The following IMPG1 variants were observed in gnomAD, a reference collection of about 807,000 sequenced individuals.
IMPG1 encodes interphotoreceptor matrix proteoglycan of 150 kDa.
In IMPG1, 85 loss-of-function variants were observed where a neutral mutation model predicts 92.0. That is an observed-to-expected ratio of 0.92 (90% confidence interval 0.78 to 1.11). The LOEUF is 1.11. Ranked by LOEUF, IMPG1 falls within the 50% of genes least tolerant of loss-of-function variation. IMPG1 has a pLI of 0.00. For missense variants in IMPG1, 1,022 were observed against 956.0 expected (o/e 1.07, Z -0.91); for synonymous variants, 367 against 334.1 (o/e 1.10, Z -1.08).
intron 12 of IMPG1, among the ~76,000 whole-genome samples, chr6:75,971,038 A>G (rs964922342): frequency 2.6e-5 from 4 of 152,254 alleles, no homozygotes; most frequent in East Asian, 3.9e-4. Flanking sequence ...TTGCGGCACT[A>G]TTCACAATAG....
intron 2 of IMPG1, 72 bp downstream of exon 2, chr6:76,041,821 A>G: frequency 4.9e-6 from 5 of 1,011,938 alleles, no homozygotes; most frequent in East Asian, 4.8e-5. Context: ...TAGGCTAAAG[A>G]CAACCTATGG....
At chr6:76,037,147 T>C (rs1166856869) in intron 2 of IMPG1, among the ~76,000 whole-genome samples, 1 of 152,128 alleles carries the variant, frequency 6.6e-6, no homozygotes, top group Non-Finnish European at 1.5e-5. Flanking sequence ...TGGGGAGGAA[T>C]AGGGTGAGAC....
At chr6:75,949,129 G>A (rs1436453712) in intron 13 of IMPG1, among the ~76,000 whole-genome samples, 1 of 152,184 alleles carries the variant, frequency 6.6e-6, no homozygotes, top group Non-Finnish European at 1.5e-5. Context: ...GCCATGGTTA[G>A]TTTGTCAGAG....
Position 76,042,064 on chromosome 6 carries a change from T to C in IMPG1, c.130A>G (p.Thr44Ala), listed in dbSNP as rs149728775. 213 of 1,611,128 alleles carry C rather than the reference T, an allele frequency of 1.3e-4. No homozygotes were observed. The highest frequency in any genetic ancestry group is 1.7e-4 in the Non-Finnish European group (204 of 1,177,364). Reference sequence around the variant, plus strand: ...TACATTTTTTCAGTACTTTCAGTTGTTTCATTTCTTGGGGGATTGTCTATG... The same window carrying C: ...TACATTTTTTCAGTACTTTCAGTTGCTTCATTTCTTGGGGGATTGTCTATG... The part of the protein sequence containing the change: ...KDIDNPPRNE[T>A]TESTEKMYKM... The change falls in exon 2 of 17, where the codon ACA (threonine) becomes GCA (alanine). Residue 44 changes from threonine to alanine, a missense_variant. Thr to Ala is a moderately conservative substitution (Grantham distance 58). This residue lies in a region of IMPG1 where 681 missense variants were observed against 583.6 expected (regional missense o/e 1.17). Coordinates refer to ENST00000369950, the MANE Select transcript of IMPG1 (RefSeq NM_001563.4).
intron 1 of IMPG1, among the ~76,000 whole-genome samples, chr6:76,052,753 G>C (rs1265769551): frequency 6.6e-6 from 1 of 152,136 alleles, no homozygotes; most frequent in East Asian, 1.9e-4. Flanking sequence ...GAAAATATGA[G>C]AGTAGGATAT....
At chr6:75,933,294 A>G (rs1469969043) in intron 14 of IMPG1, among the ~76,000 whole-genome samples, 2 of 152,180 alleles carry the variant, frequency 1.3e-5, no homozygotes, top group Non-Finnish European at 2.9e-5. Context: ...TGGTGTGTAG[A>G]CAAATTGGTC....
chr6:75,977,288 G>T (rs532219006), intron 12 of IMPG1, among the ~76,000 whole-genome samples: 3 of 152,092 alleles, frequency 2.0e-5, no homozygotes, highest in African/African-American at 7.2e-5. Context: ...GATTAAGATT[G>T]CTGCTAAAGA....
intron 11 of IMPG1, among the ~76,000 whole-genome samples, chr6:76,003,266 T>G (rs888984693): frequency 6.6e-6 from 1 of 152,354 alleles, no homozygotes; most frequent in East Asian, 1.9e-4. Flanking sequence ...CTTTGATTTA[T>G]GTCAATCATG....
chr6:76,031,190 A>T (rs1783647523), intron 4 of IMPG1, among the ~76,000 whole-genome samples: 1 of 152,198 alleles, frequency 6.6e-6, no homozygotes, highest in South Asian at 2.1e-4. Flanking sequence ...ACTCACTGAA[A>T]GGTTTGTTAC....
chr6:75,978,316 C>G (rs1420911003), intron 12 of IMPG1, among the ~76,000 whole-genome samples: 1 of 152,082 alleles, frequency 6.6e-6, no homozygotes, highest in Non-Finnish European at 1.5e-5. Flanking sequence ...ATCTTTGTAC[C>G]CAAGATCATG....
chr6:75,923,800 T>G, intron 15 of IMPG1, 94 bp from the exon 16 acceptor site: 1 of 711,990 alleles, frequency 1.4e-6, no homozygotes. Flanking sequence ...TTTAACATCA[T>G]GACAAGTGAA....
intron 4 of IMPG1, among the ~76,000 whole-genome samples, chr6:76,028,854 G>A (rs191106311): frequency 1.7e-3 from 255 of 152,284 alleles, no homozygotes; most frequent in African/African-American, 5.4e-3. Context: ...TATACTCCTG[G>A]GGTGAAAATT....
At chr6:75,932,627 T>A (rs1781683833) in intron 14 of IMPG1, among the ~76,000 whole-genome samples, 1 of 152,202 alleles carries the variant, frequency 6.6e-6, no homozygotes, top group African/African-American at 2.4e-5. Flanking sequence ...TCATTTTCTT[T>A]ATCTGCCATA....
At chr6:75,990,717 T>C (rs550866377) in intron 12 of IMPG1, among the ~76,000 whole-genome samples, 1 of 152,240 alleles carries the variant, frequency 6.6e-6, no homozygotes, top group South Asian at 2.1e-4. Context: ...TTCCAGAAGG[T>C]TGCTTAGTTG....
At chr6:75,995,876 T>C (rs762357978) in intron 12 of IMPG1, among the ~76,000 whole-genome samples, 2 of 152,224 alleles carry the variant, frequency 1.3e-5, no homozygotes, top group Non-Finnish European at 2.9e-5. Flanking sequence ...ATTGAATCCT[T>C]GTTTCGGGGT....
intron 12 of IMPG1, among the ~76,000 whole-genome samples, chr6:76,002,394 T>C (rs1381549848): frequency 6.6e-6 from 1 of 152,258 alleles, no homozygotes; most frequent in African/African-American, 2.4e-5. Context: ...CTTCAGTGTT[T>C]ACTGATATTC....
chr6:76,034,610 T>C lies in IMPG1; in HGVS notation c.468+11A>G, dbSNP rs955252455. The C allele has an allele frequency of 1.9e-6, 3 of 1,613,730 alleles. No individual in the cohort carries two copies. The African/African-American group carries it at 4.0e-5, about 22-fold the overall frequency. Reference sequence around the variant, plus strand: ...CAGTGTTCCAAATAACCATGTGGTGTTTAGGCTCACCTGCTGGAGAAGATC... The same window carrying C: ...CAGTGTTCCAAATAACCATGTGGTGCTTAGGCTCACCTGCTGGAGAAGATC... On this transcript the variant is annotated intron_variant, in intron 3 of 16. Coordinates refer to ENST00000369950, the MANE Select transcript of IMPG1 (RefSeq NM_001563.4).
rs192433141 is a variant in IMPG1 at position 76,002,372 on chromosome 6, G to C, written c.1291+546C>G. 3.4e-3 allele frequency among the ~76,000 whole-genome samples: 516 copies of C among 152,296 alleles called. 3 individuals are homozygous for C. The highest frequency in any genetic ancestry group is 5.2e-3 in the Non-Finnish European group (356 of 68,028). On this transcript the variant is annotated intron_variant, in intron 12 of 16. Transcript: ENST00000369950. ...TTAACCTTCTTGGAGATTCAAAAGT[G>C]AATCACTAAGACTTCAGTGTTTACT...
intron 4 of IMPG1, 81 bp from the exon 5 acceptor site, chr6:76,025,339 T>A: frequency 1.4e-6 from 1 of 737,116 alleles, no homozygotes; most frequent in South Asian, 1.8e-5. Flanking sequence ...AAATTTCTTA[T>A]ACTGAGTAAA....
Sources: gnomAD v4.1 joint callset for allele counts (sites outside exome capture counted in the v4.1 genomes callset) on GRCh38, gnomAD v4.1.1 for gene constraint, gnomAD v4.1.1 regional missense constraint, MANE v1.5 for transcripts, NCBI Gene and HGNC (gene_info 2026-07-23, HGNC 2026-07-21) for gene names.